Variants in DGKD observed in about 807,000 individuals in gnomAD.
DGKD encodes the protein DAG kinase delta.
In DGKD, 68 loss-of-function variants were observed where a neutral mutation model predicts 154.4. That is an observed-to-expected ratio of 0.44 (90% CI 0.36 to 0.54). The LOEUF (loss-of-function observed/expected upper bound fraction) is 0.54, where lower values mean the gene tolerates loss of function less well. Ranked by LOEUF, DGKD falls within the 20% of genes least tolerant of loss-of-function variation. DGKD has a pLI of 0.00. For missense variants in DGKD, 1,343 were observed against 1,593.6 expected, an observed-to-expected ratio of 0.84 and a Z score of 2.68; for synonymous variants, 693 against 638.0, an observed-to-expected ratio of 1.09 and a Z score of -1.30.
chr2:233,362,757 A>G (rs1485772943), intron 1 of DGKD, among the ~76,000 whole-genome samples: 1 of 152,250 alleles, frequency 6.6e-6, no homozygotes, highest in African/African-American at 2.4e-5. Flanking sequence ...AACCATATCT[A>G]ATCAATTCCT....
At chr2:233,426,902 T>C (rs1457326239) in intron 3 of DGKD, among the ~76,000 whole-genome samples, 1 of 152,206 alleles carries the variant, frequency 6.6e-6, no homozygotes, top group Non-Finnish European at 1.5e-5. Flanking sequence ...TAATTTGTAC[T>C]TCCCTGATGA....
Position 233,436,419 on chromosome 2 carries a change from G to T in DGKD, c.797G>T (p.Arg266Leu). The change falls in exon 7 of 30, where the codon CGC becomes CTC. Residue 266 changes from arginine to leucine, a missense_variant. Physicochemically the swap from Arg to Leu is moderately radical, Grantham distance 102. Coordinates refer to ENST00000264057, the MANE Select transcript of DGKD (RefSeq NM_152879.3). ...CGSVLRLQDW[R>L]CLWCKAMVHT... The stretch of plus-strand genomic sequence containing the variant: ...AGTGTGCTGCGCCTGCAGGACTGGC[G>T]CTGCCTCTGGTGCAAGGCCATGGTG... The T allele has an allele frequency of 3.1e-6, 5 of 1,613,396 alleles. No homozygotes were observed. Among genetic ancestry groups the T allele is most frequent in the Non-Finnish European group, 4.2e-6 (5 of 1,179,970 alleles).
At chr2:233,446,666 G>A (rs1449827424) in intron 11 of DGKD, 46 bp from the exon 12 acceptor site, 2 of 1,591,620 alleles carry the variant, frequency 1.3e-6, no homozygotes, top group African/African-American at 1.3e-5. Flanking sequence ...TCACCCTTGT[G>A]GGCCTGCACG....
chr2:233,406,645 G>A (rs1296868751), intron 3 of DGKD, among the ~76,000 whole-genome samples: 5 of 152,142 alleles, frequency 3.3e-5, no homozygotes, highest in Admixed American at 2.0e-4. Flanking sequence ...ATTAAAATTG[G>A]TTTCCACTGT....
intron 2 of DGKD, among the ~76,000 whole-genome samples, chr2:233,390,151 A>G (rs891563326): frequency 2.6e-5 from 4 of 152,140 alleles, no homozygotes. Flanking sequence ...TTCCTTCACT[A>G]ATGCAATGAC....
chr2:233,409,742 C>A (rs779990154), intron 3 of DGKD, among the ~76,000 whole-genome samples: 43 of 149,990 alleles, frequency 2.9e-4, no homozygotes, highest in Non-Finnish European at 1.3e-4. Context: ...ATTGAAGAAC[C>A]TGGTTTGAAG....
chr2:233,416,112 T>C (rs1390857245), intron 3 of DGKD, among the ~76,000 whole-genome samples: 2 of 152,196 alleles, frequency 1.3e-5, no homozygotes, highest in Non-Finnish European at 2.9e-5. Flanking sequence ...CCCCTTTCCC[T>C]CATTTATGTT....
chr2:233,461,202 C>A (rs1284532461), intron 24 of DGKD, among the ~76,000 whole-genome samples: 1 of 152,230 alleles, frequency 6.6e-6, no homozygotes, highest in African/African-American at 2.4e-5. Flanking sequence ...GCTGCTCCGC[C>A]GGTGCGGGGC....
Position 233,434,879 on chromosome 2 carries a change from G to A in DGKD, c.564G>A (p.Thr188=), listed in dbSNP as rs1403523588. The change falls in exon 5 of 30, where the codon ACG becomes ACA. Residue 188 remains threonine, a synonymous_variant. Coordinates refer to ENST00000264057, the MANE Select transcript of DGKD (RefSeq NM_152879.3). ...NVCREALSGV[T]SHGLSCEVCK... ...GCCGTGAGGCTCTGTCTGGGGTCAC[G>A]TCGCACGGGCTGTCCTGCGAGGGTA... The A allele has an allele frequency of 1.9e-6, 3 of 1,613,958 alleles. No individual in the cohort carries two copies. Among genetic ancestry groups the A allele is most frequent in the South Asian group, 2.2e-5 (2 of 91,080 alleles).
chr2:233,414,962 TG>T (rs923188403), intron 3 of DGKD, among the ~76,000 whole-genome samples: 2 of 152,114 alleles, frequency 1.3e-5, no homozygotes. Flanking sequence ...TTTGTGTGTG[TG>T]GGTATTTTTT....
At chr2:233,437,290 C>A in intron 7 of DGKD, 87 bp from the exon 8 acceptor site, 1 of 1,272,748 alleles carries the variant, frequency 7.9e-7, no homozygotes, top group Non-Finnish European at 1.1e-6. Context: ...TCCCCCGAGG[C>A]CAGCTCATCA....
At chr2:233,385,969 C>T (rs532150389) in intron 1 of DGKD, 20 of 470,926 alleles carry the variant, frequency 4.2e-5, no homozygotes, top group Admixed American at 1.9e-4. Flanking sequence ...GACTCTCATC[C>T]GCCCTCAGAA....
At chr2:233,377,077 C>CCTTTTTT in intron 1 of DGKD, among the ~76,000 whole-genome samples, 1 of 144,362 alleles carries the variant, frequency 6.9e-6, no homozygotes, top group Non-Finnish European at 1.5e-5. Flanking sequence ...GTAGCATGTT[C>CCTTTTTT]CTTTTTTTTT....
chr2:233,363,621 CAG>C (rs1465386936), intron 1 of DGKD, among the ~76,000 whole-genome samples: 1 of 152,154 alleles, frequency 6.6e-6, no homozygotes, highest in Non-Finnish European at 1.5e-5. Flanking sequence ...ATTCACTCAC[CAG>C]TCATTCACTC....
Position 233,449,849 on chromosome 2 carries a change from G to A in DGKD, c.1889-133G>A. ...AGATGGGTGGGGGTGGGGTTTCGGAGTCCAAGCCTTTAGCCAGAGGTTGTT... is the reference window on the plus strand; with the variant it reads ...AGATGGGTGGGGGTGGGGTTTCGGAATCCAAGCCTTTAGCCAGAGGTTGTT... On this transcript the variant is annotated intron_variant, in intron 15 of 29. Transcript: ENST00000264057. The surrounding 1 kb of genome is among the most constrained non-coding windows in gnomAD (Gnocchi z 5.3). 3 of 1,148,582 alleles carry A rather than the reference G, an allele frequency of 2.6e-6. No individual in the cohort carries two copies. Among genetic ancestry groups the A allele is most frequent in the Non-Finnish European group, 3.6e-6 (3 of 843,684 alleles). The allele number at this position is 1,148,582 out of a possible 1,614,324, so 71.1% of individuals were successfully genotyped here.
rs534453089 is a variant in DGKD, at chr2:233,451,594, G to T, written c.2168-370G>T. 8.7e-5 allele frequency among the ~76,000 whole-genome samples: 13 copies of T among 150,166 alleles called. No individual in the cohort carries two copies. In the East Asian group the frequency reaches 1.2e-3, roughly 13 times the overall value. ...CCTTTTTTTTTTTTTTTAAAAGAGGGTCTCTCTCTATTGCCCAGGCTGGAG... is the reference window on the plus strand; with the variant it reads ...CCTTTTTTTTTTTTTTTAAAAGAGGTTCTCTCTCTATTGCCCAGGCTGGAG... On this transcript the variant is annotated intron_variant, in intron 17 of 29. Transcript: ENST00000264057.
intron 3 of DGKD, among the ~76,000 whole-genome samples, chr2:233,421,161 G>A (rs1011549460): frequency 7.2e-5 from 11 of 152,038 alleles, no homozygotes; most frequent in South Asian, 2.1e-4. Context: ...AATCGACACC[G>A]TGCCCTCAGC....
chr2:233,447,208 C>T (rs2063110703), intron 12 of DGKD, among the ~76,000 whole-genome samples: 1 of 152,238 alleles, frequency 6.6e-6, no homozygotes, highest in South Asian at 2.1e-4. Flanking sequence ...CGGCTCCTGC[C>T]CCGTCCCACC....
intron 1 of DGKD, among the ~76,000 whole-genome samples, chr2:233,357,663 A>G (rs1207461108): frequency 6.6e-6 from 1 of 151,678 alleles, no homozygotes; most frequent in Non-Finnish European, 1.5e-5. Flanking sequence ...CAGCCTCCCA[A>G]GTAGCTGGGA....
Sources: gnomAD v4.1 joint callset for allele counts (sites outside exome capture counted in the v4.1 genomes callset) on GRCh38, gnomAD v4.1.1 for gene constraint, Gnocchi (gnomAD v3.1) non-coding constraint, MANE v1.5 for transcripts, NCBI Gene and HGNC (gene_info 2026-07-23, HGNC 2026-07-21) for gene names.